The following CSMD1 variants were observed in gnomAD, a reference collection of about 807,000 sequenced individuals.
The protein encoded by CSMD1 is CUB and Sushi multiple domains 1, also known as CUB and sushi domain-containing protein 1.
A neutral mutation model predicts 417.5 loss-of-function variants in CSMD1; 213 were observed. The observed-to-expected ratio is 0.51, with a 90% CI of 0.46 to 0.57. The LOEUF is 0.57. Ranked by LOEUF, CSMD1 falls within the 20% of genes least tolerant of loss-of-function variation. The pLI is 0.00. For synonymous variants in CSMD1, 2,862 were observed against 1,736.8 expected, an observed-to-expected ratio of 1.65 and a Z score of -16.11; for missense variants, 6,923 against 4,529.7, an observed-to-expected ratio of 1.53 and a Z score of -15.17.
intron 30 of CSMD1, among the ~76,000 whole-genome samples, chr8:3,211,740 G>A (rs767319848): frequency 3.5e-4 from 53 of 152,178 alleles, no homozygotes; most frequent in Non-Finnish European, 5.6e-4. Flanking sequence ...TCACAAGCCC[G>A]GCCCTGCCCG....
intron 5 of CSMD1, among the ~76,000 whole-genome samples, chr8:3,819,800 C>G (rs184575750): frequency 7.2e-5 from 11 of 152,198 alleles, no homozygotes; most frequent in Admixed American, 2.0e-4. Context: ...TTTGCCTGGC[C>G]TCCCAAAGTA....
In CSMD1 at chr8:4,611,691, A is replaced by G. The variant is rs531239990; in HGVS notation, c.302+25651T>C. Among the ~76,000 whole-genome samples, 6 of 152,292 alleles carry G rather than the reference A, an allele frequency of 3.9e-5. No individual in the cohort carries two copies. In the South Asian group the frequency reaches 1.2e-3, roughly 32 times the overall value. On this transcript the variant is annotated intron_variant, in intron 2 of 69. Transcript: ENST00000635120. ...TGTTCATTTACTGTGTGTTTTCATC[A>G]TGACTAAAGATGTTGTATTTTCAAT...
chr8:4,719,442 C>T lies in CSMD1; in HGVS notation c.86-81884G>A, dbSNP rs971794696. Among the ~76,000 whole-genome samples the T allele has an allele frequency of 2.0e-5, 3 of 152,072 alleles. No homozygotes were observed. The East Asian group carries it at 5.8e-4, about 29-fold the overall frequency. ...TAAAAGCATCATTATAAGTCTCAGG[C>T]ATTTGCTGCTTCCTTTCTTCCAGAA... On this transcript the variant is annotated intron_variant, in intron 1 of 69. Coordinates refer to ENST00000635120, the MANE Select transcript of CSMD1 (RefSeq NM_033225.6).
At chr8:3,266,486 AT>A (rs1801441044) in intron 26 of CSMD1, among the ~76,000 whole-genome samples, 1 of 151,366 alleles carries the variant, frequency 6.6e-6, no homozygotes, top group Non-Finnish European at 1.5e-5. Flanking sequence ...GGCACCTGTA[AT>A]CCCAGCTACT....
intron 1 of CSMD1, among the ~76,000 whole-genome samples, chr8:4,654,378 A>G (rs1345184743): frequency 6.6e-6 from 1 of 151,658 alleles, no homozygotes; most frequent in African/African-American, 2.4e-5. Flanking sequence ...CTGGGTCTCC[A>G]CCCCTCTGAT....
intron 3 of CSMD1, among the ~76,000 whole-genome samples, chr8:4,324,342 C>T (rs1566861): frequency 0.66 from 100,399 of 152,090 alleles, 33,580 homozygotes; most frequent in African/African-American, 0.75. Flanking sequence ...CTCGGAAGGT[C>T]CTGTAGTAGC....
intron 3 of CSMD1, among the ~76,000 whole-genome samples, chr8:4,164,285 G>C (rs943400093): frequency 5.3e-5 from 8 of 151,936 alleles, no homozygotes; most frequent in African/African-American, 1.2e-4. Flanking sequence ...TTCTTTAATG[G>C]ATACAAATGA....
intron 1 of CSMD1, among the ~76,000 whole-genome samples, chr8:4,727,141 G>C (rs1346997036): frequency 6.6e-6 from 1 of 152,040 alleles, no homozygotes; most frequent in African/African-American, 2.4e-5. Flanking sequence ...CTTCTGCGGG[G>C]ACACTTCGCT....
At chr8:3,657,257 T>C (rs1242816408) in intron 7 of CSMD1, among the ~76,000 whole-genome samples, 1 of 152,210 alleles carries the variant, frequency 6.6e-6, no homozygotes, top group Non-Finnish European at 1.5e-5. Context: ...GCAGCATTTC[T>C]ATATGCCAAC....
chr8:4,182,819 A>G (rs1286403482), intron 3 of CSMD1, among the ~76,000 whole-genome samples: 1 of 152,188 alleles, frequency 6.6e-6, no homozygotes, highest in Non-Finnish European at 1.5e-5. Context: ...TAAAACATGC[A>G]ATTATAAGGG....
chr8:4,744,820 C>T (rs1810850020), intron 1 of CSMD1, among the ~76,000 whole-genome samples: 1 of 152,040 alleles, frequency 6.6e-6, no homozygotes, highest in Admixed American at 6.6e-5. Flanking sequence ...AAACATAAAA[C>T]ACCCATAAGA....
rs1563217927 is a variant in CSMD1 at position 3,926,026 on chromosome 8, C to CACACACAAACACCATATAT, written c.818+71876_818+71877insATATATGGTGTTTGTGTGT. 3.0e-3 allele frequency among the ~76,000 whole-genome samples: 378 copies of CACACACAAACACCATATAT among 125,322 alleles called. 18 individuals carry two copies. Among genetic ancestry groups the CACACACAAACACCATATAT allele is most frequent in the African/African-American group, 0.012 (368 of 31,190 alleles). The allele number at this position is 125,322 out of a possible 152,430, so 82.2% of individuals were successfully genotyped here. On this transcript the variant is annotated intron_variant, in intron 5 of 69. Coordinates refer to ENST00000635120, the MANE Select transcript of CSMD1 (RefSeq NM_033225.6). Reference sequence around the variant, plus strand: ...GTCTATTTGTCTATACACACACACACACACACACACACACACAAACACCAT... The same window carrying CACACACAAACACCATATAT: ...GTCTATTTGTCTATACACACACACACACACACAAACACCATATATACACACACACACACACAAACACCAT...
At chr8:3,773,433 T>C (rs2720767) in intron 5 of CSMD1, among the ~76,000 whole-genome samples, 1 of 151,908 alleles carries the variant, frequency 6.6e-6, no homozygotes, top group African/African-American at 2.4e-5. Context: ...ACGACAGTCA[T>C]GCACCACTAT....
At chr8:3,485,904 G>A (rs184498495) in intron 11 of CSMD1, among the ~76,000 whole-genome samples, 19 of 152,202 alleles carry the variant, frequency 1.2e-4, no homozygotes, top group South Asian at 4.1e-4. Context: ...TTTTACTGTA[G>A]ATTTGCAAAA....
Position 4,637,441 on chromosome 8 carries a change from T to A in CSMD1, c.203A>T (p.Asn68Ile), listed in dbSNP as rs116314718. ...CTWIIITGER[N>I]RIQLSFHTFA... ...GGTATGGAAGGACAACTGTATCCTATTGCGCTCGCCCGTGATGATGATCCA... is the reference window on the plus strand; with the variant it reads ...GGTATGGAAGGACAACTGTATCCTAATGCGCTCGCCCGTGATGATGATCCA... Residue 68 changes from asparagine to isoleucine, a missense_variant, in exon 2 of 70, where the codon AAT (asparagine) becomes ATT (isoleucine). Transcript: ENST00000635120. 4.3e-6 allele frequency: 7 copies of A among 1,613,738 alleles called. No individual in the cohort carries two copies. Among genetic ancestry groups the A allele is most frequent in the Non-Finnish European group, 5.1e-6 (6 of 1,179,890 alleles).
At chr8:4,639,790 G>A (rs547471991) in intron 1 of CSMD1, among the ~76,000 whole-genome samples, 14 of 152,266 alleles carry the variant, frequency 9.2e-5, no homozygotes, top group African/African-American at 3.4e-4. Flanking sequence ...ATTATCAAAT[G>A]CTTGTGGGAG....
intron 23 of CSMD1, among the ~76,000 whole-genome samples, chr8:3,316,461 TG>T (rs1314836711): frequency 6.6e-6 from 1 of 152,098 alleles, no homozygotes; most frequent in Non-Finnish European, 1.5e-5. Context: ...ATGAATGCTA[TG>T]GTTTGCGTGA....
intron 5 of CSMD1, among the ~76,000 whole-genome samples, chr8:3,973,604 A>C (rs2130106492): frequency 6.6e-6 from 1 of 152,284 alleles, no homozygotes; most frequent in Non-Finnish European, 1.5e-5. Flanking sequence ...GGAAAGAGAA[A>C]CAATTTCATC....
At chr8:3,978,285 T>G (rs1397706246) in intron 5 of CSMD1, among the ~76,000 whole-genome samples, 1 of 152,194 alleles carries the variant, frequency 6.6e-6, no homozygotes, top group Non-Finnish European at 1.5e-5. Context: ...GTCACCCCTG[T>G]AACCACACAA....
Sources: allele counts gnomAD v4.1 joint callset (sites outside exome capture counted in the v4.1 genomes callset), GRCh38; gene constraint gnomAD v4.1.1; transcripts MANE v1.5; gene names NCBI Gene and HGNC (gene_info 2026-07-23, HGNC 2026-07-21).